The following LEKR1 variants were observed in gnomAD, a reference collection of about 807,000 sequenced individuals.
LEKR1 encodes the protein leucine, glutamate and lysine rich 1.
LEKR1 carries 59 observed loss-of-function variants against 72.4 expected under a neutral mutation model. The observed-to-expected ratio is 0.82, with a 90% CI of 0.66 to 1.01. The LOEUF is 1.01. LEKR1 is among the 50% of genes least tolerant of loss of function. The pLI is 0.00. For synonymous variants in LEKR1, 257 were observed against 263.2 expected, an observed-to-expected ratio of 0.98 and a Z score of 0.23; for missense variants, 728 against 759.2, an observed-to-expected ratio of 0.96 and a Z score of 0.48.
chr3:156,884,112 A>G (rs1449743496), intron 3 of LEKR1, among the ~76,000 whole-genome samples: 1 of 152,134 alleles, frequency 6.6e-6, no homozygotes, highest in Admixed American at 6.5e-5. Flanking sequence ...TTTAGTTTCC[A>G]TGTGCATGGA....
At chr3:156,876,463 G>A (rs759151001) in intron 3 of LEKR1, among the ~76,000 whole-genome samples, 3 of 152,110 alleles carry the variant, frequency 2.0e-5, no homozygotes, top group East Asian at 3.8e-4. Flanking sequence ...CATGAGCATT[G>A]GGTGTGTTTC....
At chr3:156,969,396 G>A (rs1335220839) in intron 6 of LEKR1, among the ~76,000 whole-genome samples, 1 of 152,124 alleles carries the variant, frequency 6.6e-6, no homozygotes, top group Non-Finnish European at 1.5e-5. Flanking sequence ...AAGAAGAAAA[G>A]AGACAAGAAT....
rs531965610 is a variant in LEKR1 at position 156,899,088 on chromosome 3, A to C, written c.264-21487A>C. Among the ~76,000 whole-genome samples the C allele has an allele frequency of 1.1e-4, 16 of 152,008 alleles. 1 individual carries two copies. In the South Asian group the frequency reaches 3.3e-3, roughly 32 times the overall value. ...GGTTGCTGTCAGTGGGGTAGACATC[A>C]GCTAATTTATTCCTCAACTAAGGAA... On this transcript the variant is annotated intron_variant, in intron 3 of 12. Coordinates refer to ENST00000356539, the MANE Select transcript of LEKR1 (RefSeq NM_001004316.3).
chr3:156,896,971 C>G (rs1354812350), intron 3 of LEKR1, among the ~76,000 whole-genome samples: 1 of 152,160 alleles, frequency 6.6e-6, no homozygotes, highest in Non-Finnish European at 1.5e-5. Flanking sequence ...ACCACATGTT[C>G]TCATTTATAA....
At chr3:156,993,566 G>T (rs78029530) in intron 9 of LEKR1, among the ~76,000 whole-genome samples, 2,918 of 151,120 alleles carry the variant, frequency 0.019, 61 homozygotes, top group African/African-American at 0.056. Flanking sequence ...ATCAGACCAC[G>T]TGTGATACTT....
chr3:156,959,164 A>G (rs777999984), intron 6 of LEKR1, among the ~76,000 whole-genome samples: 1 of 152,190 alleles, frequency 6.6e-6, no homozygotes, highest in Non-Finnish European at 1.5e-5. Context: ...CCCCAGATAA[A>G]TCATCAGGTT....
At chr3:156,882,586 C>T in intron 3 of LEKR1, among the ~76,000 whole-genome samples, 1 of 152,156 alleles carries the variant, frequency 6.6e-6, no homozygotes, top group Admixed American at 6.5e-5. Context: ...TTGTGGAAGT[C>T]AGTGTGGCAA....
chr3:156,996,157 G>A (rs529192040), intron 9 of LEKR1, among the ~76,000 whole-genome samples: 69 of 152,050 alleles, frequency 4.5e-4, no homozygotes, highest in African/African-American at 1.1e-3. Context: ...GAGACAAACA[G>A]TAAAACAAAA....
intron 7 of LEKR1, among the ~76,000 whole-genome samples, chr3:156,980,776 A>C (rs1730128605): frequency 6.6e-6 from 1 of 152,212 alleles, no homozygotes; most frequent in Non-Finnish European, 1.5e-5. Context: ...ACCAAGACTT[A>C]GCATATATAG....
intron 3 of LEKR1, among the ~76,000 whole-genome samples, chr3:156,919,600 T>A (rs1723999832): frequency 6.6e-6 from 1 of 152,200 alleles, no homozygotes; most frequent in Admixed American, 6.5e-5. Context: ...TGATTATATG[T>A]GATAAAAAAT....
intron 7 of LEKR1, among the ~76,000 whole-genome samples, chr3:156,985,158 A>T (rs1730565741): frequency 6.6e-6 from 1 of 152,182 alleles, no homozygotes; most frequent in Non-Finnish European, 1.5e-5. Context: ...CAGGCACTAG[A>T]TATTGGAGTA....
At chr3:156,926,412 C>G (rs1724725091) in intron 4 of LEKR1, among the ~76,000 whole-genome samples, 1 of 151,986 alleles carries the variant, frequency 6.6e-6, no homozygotes, top group Non-Finnish European at 1.5e-5. Flanking sequence ...CAAAGGCCTC[C>G]CAGATAAAAT....
chr3:156,879,770 C>T (rs1030056744), intron 3 of LEKR1, among the ~76,000 whole-genome samples: 5 of 152,190 alleles, frequency 3.3e-5, no homozygotes. Context: ...CCTAGACACA[C>T]TAGCCATGGC....
At chr3:156,906,035 G>A (rs538897888) in intron 3 of LEKR1, among the ~76,000 whole-genome samples, 1 of 152,194 alleles carries the variant, frequency 6.6e-6, no homozygotes, top group African/African-American at 2.4e-5. Context: ...CAGTTTGAGG[G>A]AAAGACTGCA....
At chr3:157,039,894 C>T (rs1735229333) in intron 12 of LEKR1, among the ~76,000 whole-genome samples, 1 of 152,134 alleles carries the variant, frequency 6.6e-6, no homozygotes, top group African/African-American at 2.4e-5. Context: ...AGTTTGGGAA[C>T]ATAATAAATT....
At chr3:156,866,840 T>C (rs1488103158) in intron 3 of LEKR1, among the ~76,000 whole-genome samples, 5 of 151,966 alleles carry the variant, frequency 3.3e-5, no homozygotes, top group African/African-American at 9.7e-5. Flanking sequence ...ATTTTATATT[T>C]TTTGTATTCC....
At chr3:156,970,695 A>C (rs1315809659) in intron 6 of LEKR1, among the ~76,000 whole-genome samples, 1 of 152,188 alleles carries the variant, frequency 6.6e-6, no homozygotes, top group Non-Finnish European at 1.5e-5. Context: ...CTTATACACC[A>C]ATAACAGACA....
intron 10 of LEKR1, among the ~76,000 whole-genome samples, chr3:157,023,090 G>A (rs897431690): frequency 6.6e-6 from 1 of 151,758 alleles, no homozygotes; most frequent in African/African-American, 2.4e-5. Flanking sequence ...TGGCTTCATT[G>A]TTCTCTTGAG....
intron 3 of LEKR1, among the ~76,000 whole-genome samples, chr3:156,857,651 A>G (rs951143022): frequency 3.3e-5 from 5 of 152,182 alleles, no homozygotes; most frequent in Non-Finnish European, 7.4e-5. Flanking sequence ...GTTGACACTC[A>G]AGAAGTTTTG....
Sources: gnomAD v4.1 joint callset for allele counts (sites outside exome capture counted in the v4.1 genomes callset) on GRCh38, gnomAD v4.1.1 for gene constraint, MANE v1.5 for transcripts, NCBI Gene and HGNC (gene_info 2026-07-23, HGNC 2026-07-21) for gene names.